The following NTNG1 variants were observed in gnomAD, a reference collection of about 807,000 sequenced individuals.
NTNG1 encodes the protein netrin G1.
A neutral mutation model predicts 54.0 loss-of-function variants in NTNG1; 16 were observed. The ratio of observed to expected loss-of-function variants is 0.30; its 90% CI spans 0.20 to 0.45. The LOEUF (loss-of-function observed/expected upper bound fraction) is 0.45, where lower values mean the gene tolerates loss of function less well. Among genes scored for constraint, NTNG1 ranks in the 20% least tolerant of loss-of-function variants. The probability of loss-of-function intolerance (pLI) is 1.00; values close to 1 mark genes in which losing one functional copy is unlikely to be tolerated. For missense variants in NTNG1, 530 were observed against 678.7 expected (o/e 0.78, Z 2.43); for synonymous variants, 255 against 263.1 (o/e 0.97, Z 0.30).
In NTNG1 at chr1:107,480,637, C is replaced by A. The variant is rs369598881; in HGVS notation, c.1417C>A (p.His473Asn). The A allele has an allele frequency of 1.3e-6, 2 of 1,547,736 alleles. No homozygotes were observed. The highest frequency in any genetic ancestry group is 1.8e-6 in the Non-Finnish European group (2 of 1,137,520). ...QPNVCDNELL[H>N]CQNGGTCHNN... ...GAATGTCTGCGACAACGAGCTCCTG[C>A]ACTGCCAGAACGGAGGGACGTGCCA... Residue 473 changes from histidine to asparagine, a missense_variant, in exon 8 of 8, where the codon CAC becomes AAC. Physicochemically the swap from His to Asn is moderately conservative, Grantham distance 68. Coordinates refer to ENST00000370068, the MANE Select transcript of NTNG1 (RefSeq NM_001113226.3).
chr1:107,419,539 A>T (rs1230581754), intron 5 of NTNG1, among the ~76,000 whole-genome samples: 1 of 151,898 alleles, frequency 6.6e-6, no homozygotes, highest in African/African-American at 2.4e-5. Context: ...TTATATTAAC[A>T]TCTAGCCTAT....
intron 3 of NTNG1, among the ~76,000 whole-genome samples, chr1:107,343,014 C>T (rs1668993439): frequency 6.6e-6 from 1 of 152,052 alleles, no homozygotes; most frequent in Non-Finnish European, 1.5e-5. Flanking sequence ...TGTTTGCAAC[C>T]TCCACCTCCT....
intron 2 of NTNG1, among the ~76,000 whole-genome samples, chr1:107,302,073 T>G (rs1666353429): frequency 6.6e-6 from 1 of 152,128 alleles, no homozygotes; most frequent in Non-Finnish European, 1.5e-5. Context: ...CACTAAACTT[T>G]CCCTTATTTC....
intron 5 of NTNG1, among the ~76,000 whole-genome samples, chr1:107,424,344 T>C (rs1457275648): frequency 6.6e-6 from 1 of 151,814 alleles, no homozygotes; most frequent in Non-Finnish European, 1.5e-5. Context: ...AGGAGGTGAG[T>C]GCTAGCAATG....
rs544171836 is a variant in NTNG1 at position 107,171,830 on chromosome 1, G to A, written c.246+22991G>A. 3.3e-5 allele frequency among the ~76,000 whole-genome samples: 5 copies of A among 152,254 alleles called. No homozygotes were observed. The South Asian group carries it at 6.2e-4, about 19-fold the overall frequency. ...CTGAAAGCTGACCAGAGTTACCAGC[G>A]ATTTCCTAGTCTCACATTCACATTG... On this transcript the variant is annotated intron_variant, in intron 2 of 7. Coordinates refer to ENST00000370068, the MANE Select transcript of NTNG1 (RefSeq NM_001113226.3).
At chr1:107,351,367 A>G (rs760706293) in intron 3 of NTNG1, among the ~76,000 whole-genome samples, 2 of 152,200 alleles carry the variant, frequency 1.3e-5, no homozygotes, top group Non-Finnish European at 2.9e-5. Flanking sequence ...TCTGCAGGCT[A>G]TACAGGAAGC....
Position 107,385,348 on chromosome 1 carries a change from C to T in NTNG1, c.888-9806C>T, listed in dbSNP as rs147836238. Among the ~76,000 whole-genome samples, 1,094 of 152,250 alleles carry T rather than the reference C, an allele frequency of 7.2e-3. 17 individuals carry two copies. The highest frequency in any genetic ancestry group is 0.025 in the African/African-American group (1,025 of 41,530). On this transcript the variant is annotated intron_variant, in intron 3 of 7. Transcript: ENST00000370068. ...CTGCCATAGTCCATGTGGTCCTGGT[C>T]TCTGCCATAGTCCATGTGGTCCTGG...
intron 7 of NTNG1, among the ~76,000 whole-genome samples, chr1:107,451,971 G>A (rs1459052031): frequency 2.0e-5 from 3 of 152,094 alleles, no homozygotes; most frequent in African/African-American, 7.2e-5. Flanking sequence ...TTCCAGCTCA[G>A]TAGCTGTCTC....
At chr1:107,469,983 C>T (rs1677874702) in intron 7 of NTNG1, among the ~76,000 whole-genome samples, 1 of 152,116 alleles carries the variant, frequency 6.6e-6, no homozygotes. Flanking sequence ...AATGTCCACT[C>T]ATTTAGCACC....
intron 2 of NTNG1, among the ~76,000 whole-genome samples, chr1:107,194,488 T>C (rs1194911685): frequency 3.3e-5 from 5 of 152,088 alleles, no homozygotes; most frequent in Non-Finnish European, 7.4e-5. Flanking sequence ...TTCTTCTTTC[T>C]TTCTCCCTTT....
chr1:107,394,510 G>A (rs1305179613), intron 3 of NTNG1, among the ~76,000 whole-genome samples: 2 of 151,932 alleles, frequency 1.3e-5, no homozygotes, highest in South Asian at 2.1e-4. Flanking sequence ...GTGATTCTCC[G>A]ATTTGCTGTG....
intron 2 of NTNG1, among the ~76,000 whole-genome samples, chr1:107,259,747 C>T (rs1663175070): frequency 6.6e-6 from 1 of 152,180 alleles, no homozygotes; most frequent in African/African-American, 2.4e-5. Flanking sequence ...CTATTTCTCT[C>T]TAGTATGTGA....
chr1:107,411,812 C>T lies in NTNG1; in HGVS notation c.1087+4104C>T, dbSNP rs1385852998. Among the ~76,000 whole-genome samples the T allele has an allele frequency of 3.3e-5, 5 of 152,202 alleles. No individual in the cohort carries two copies. The East Asian group carries it at 9.7e-4, about 29-fold the overall frequency. ...GAAATGCCTTTGGGACTATCATGTA[C>T]CCAGTATCCTCATCACAGAACCATT... On this transcript the variant is annotated intron_variant, in intron 5 of 7. Coordinates refer to ENST00000370068, the MANE Select transcript of NTNG1 (RefSeq NM_001113226.3).
chr1:107,164,420 G>C (rs1203413507), intron 2 of NTNG1, among the ~76,000 whole-genome samples: 1 of 152,308 alleles, frequency 6.6e-6, no homozygotes, highest in South Asian at 2.1e-4. Flanking sequence ...ACCATTGGGT[G>C]ATAAAAGTAA....
At chr1:107,324,080 G>GGAA (rs1667805047) in intron 2 of NTNG1, among the ~76,000 whole-genome samples, 2 of 151,506 alleles carry the variant, frequency 1.3e-5, no homozygotes, top group South Asian at 4.2e-4. Flanking sequence ...GCACATGGAA[G>GGAA]GAAACAAGAC....
At chr1:107,214,404 A>T (rs1359636700) in intron 2 of NTNG1, among the ~76,000 whole-genome samples, 1 of 152,206 alleles carries the variant, frequency 6.6e-6, no homozygotes, top group Non-Finnish European at 1.5e-5. Context: ...TTCACTTAGA[A>T]TAATGGTCTC....
At chr1:107,417,574 G>T (rs950554739) in intron 5 of NTNG1, among the ~76,000 whole-genome samples, 7 of 151,940 alleles carry the variant, frequency 4.6e-5, no homozygotes, top group African/African-American at 1.7e-4. Flanking sequence ...ATTTTAACTG[G>T]CAATATTAAA....
At chr1:107,198,050 G>A (rs1295277858) in intron 2 of NTNG1, among the ~76,000 whole-genome samples, 3 of 151,846 alleles carry the variant, frequency 2.0e-5, no homozygotes, top group Non-Finnish European at 4.4e-5. Context: ...AGCTTATTTA[G>A]ATATTCTGCA....
intron 2 of NTNG1, among the ~76,000 whole-genome samples, chr1:107,168,623 T>C (rs1365159054): frequency 2.0e-5 from 3 of 152,096 alleles, no homozygotes; most frequent in Admixed American, 6.6e-5. Flanking sequence ...AATAATCATA[T>C]TTTAAATTGC....
Sources: allele counts gnomAD v4.1 joint callset (sites outside exome capture counted in the v4.1 genomes callset), GRCh38; gene constraint gnomAD v4.1.1; transcripts MANE v1.5; gene names NCBI Gene and HGNC (gene_info 2026-07-23, HGNC 2026-07-21).